MAGED1: variants seen among roughly 807,000 people sequenced by gnomAD.
MAGED1 encodes MAGE family member D1.
In MAGED1, 3 loss-of-function variants were observed where a neutral mutation model predicts 54.1. The observed-to-expected ratio is 0.06, with a 90% CI of 0.03 to 0.14. The LOEUF (loss-of-function observed/expected upper bound fraction) is 0.14. Ranked by LOEUF, MAGED1 falls within the 10% of genes least tolerant of loss-of-function variation. The pLI is 1.00. For synonymous variants in MAGED1, 217 were observed against 227.3 expected (o/e 0.95, Z 0.41); for missense variants, 485 against 623.4 (o/e 0.78, Z 2.36).
upstream of MAGED1, among the ~76,000 whole-genome samples, chrX:51,893,342 G>T (rs1557363692): frequency 9.2e-6 from 1 of 108,820 alleles, no homozygotes; most frequent in African/African-American, 3.4e-5. Flanking sequence ...GGGCCGGTGT[G>T]TGGGGCAAGG....
At chrX:51,830,250 C>T (rs969581507) in intron 1 of MAGED1, among the ~76,000 whole-genome samples, 1 of 111,175 alleles carries the variant, frequency 9.0e-6, no homozygotes. Context: ...ATATATTGCT[C>T]ATAGATACAG....
intron 1 of MAGED1, among the ~76,000 whole-genome samples, chrX:51,810,564 T>C (rs1445208708): frequency 4.5e-5 from 5 of 111,879 alleles, no homozygotes; most frequent in African/African-American, 1.6e-4. Context: ...TGGTCTCCTG[T>C]CCTTGGAGAA....
chrX:51,899,859 G>A (rs1050810437), intron 10 of MAGED1: 33 of 236,457 alleles, frequency 1.4e-4, no homozygotes, highest in African/African-American at 9.8e-4. Context: ...GCACTGCATT[G>A]TACTCATTTC....
chrX:51,819,880 G>T lies in MAGED1; in HGVS notation c.-37+16763G>T, dbSNP rs371080574. Among the ~76,000 whole-genome samples, 5 of 111,777 alleles carry T rather than the reference G, an allele frequency of 4.5e-5. No homozygotes were observed. In the South Asian group the frequency reaches 1.1e-3, roughly 25 times the overall value. ...TATATAAAAATTGTTACCTAATCAA[G>T]TTCACAGTGATTTACACCTATGCTT... is the stretch of plus-strand genomic sequence containing the variant. On this transcript the variant is annotated intron_variant, in intron 1 of 12. Transcript: ENST00000375772.
intron 1 of MAGED1, among the ~76,000 whole-genome samples, chrX:51,834,144 A>C (rs1001583643): frequency 3.6e-5 from 4 of 111,905 alleles, no homozygotes; most frequent in Admixed American, 2.9e-4. Context: ...GTATAAAATC[A>C]TAATTAAAAG....
chrX:51,835,718 TAG>T (rs1557357861), intron 1 of MAGED1, among the ~76,000 whole-genome samples: 1 of 111,634 alleles, frequency 9.0e-6, no homozygotes, highest in East Asian at 2.8e-4. Context: ...CCACAATTAA[TAG>T]TAACATTTGA....
rs782227011 is a variant in MAGED1, at chrX:51,897,515, C to G, written c.1487-32C>G. The G allele has an allele frequency of 4.5e-6, 5 of 1,118,527 alleles. No homozygotes were observed. In the Admixed American group the frequency reaches 1.1e-4, roughly 25 times the overall value. The allele number at this position is 1,118,527 out of a possible 1,213,427, so 92.2% of individuals were successfully genotyped here. ...GGACTGCTGCTCTGTGGCCCCCGCT[C>G]GGCTCAGATGGCTCCCTCCTCTCTC... On this transcript the variant is annotated intron_variant, in intron 5 of 12. Coordinates refer to ENST00000326587, the MANE Select transcript of MAGED1 (RefSeq NM_006986.4).
intron 1 of MAGED1, among the ~76,000 whole-genome samples, chrX:51,887,395 GA>G (rs1305547559): frequency 4.6e-5 from 5 of 109,862 alleles, no homozygotes; most frequent in African/African-American, 1.6e-4. Flanking sequence ...AAATAATTTT[GA>G]AAAAGAAAGA....
intron 1 of MAGED1, among the ~76,000 whole-genome samples, chrX:51,867,701 A>G (rs1557361199): frequency 8.9e-6 from 1 of 112,372 alleles, no homozygotes; most frequent in Non-Finnish European, 1.9e-5. Flanking sequence ...GTTGATACTC[A>G]GTATTAACCA....
In MAGED1 at chrX:51,842,033, A is replaced by G. The variant is rs183563557; in HGVS notation, c.-37+38916A>G. 9.8e-5 allele frequency among the ~76,000 whole-genome samples: 11 copies of G among 112,267 alleles called. No homozygotes were observed. In the East Asian group the frequency reaches 2.8e-3, roughly 29 times the overall value. On this transcript the variant is annotated intron_variant, in intron 1 of 12. Coordinates refer to the MAGED1 transcript ENST00000375772. ...CATGTCCTCTGAGAAAAGCTTCAGA[A>G]GAAAAACCTATAGTTCTCATTGGTT...
chrX:51,815,608 C>T (rs1310538640), intron 1 of MAGED1, among the ~76,000 whole-genome samples: 3 of 108,823 alleles, frequency 2.8e-5, no homozygotes, highest in Admixed American at 9.8e-5. Context: ...CTGTAACCTC[C>T]GCCTCCCGGG....
At chrX:51,862,148 T>G (rs1487210575) in intron 1 of MAGED1, among the ~76,000 whole-genome samples, 1 of 111,753 alleles carries the variant, frequency 8.9e-6, no homozygotes, top group Non-Finnish European at 1.9e-5. Flanking sequence ...TGATGATGTG[T>G]GGATATTTGT....
At chrX:51,871,771 A>T (rs1927684078) in intron 1 of MAGED1, among the ~76,000 whole-genome samples, 1 of 111,735 alleles carries the variant, frequency 8.9e-6, no homozygotes, top group Non-Finnish European at 1.9e-5. Flanking sequence ...GATTTATGGA[A>T]TCCTTTGAGT....
intron 1 of MAGED1, among the ~76,000 whole-genome samples, chrX:51,852,080 A>G (rs1926915076): frequency 8.9e-6 from 1 of 111,811 alleles, no homozygotes; most frequent in Non-Finnish European, 1.9e-5. Flanking sequence ...GGACCGCTAG[A>G]AAATAATCTG....
intron 1 of MAGED1, among the ~76,000 whole-genome samples, chrX:51,827,266 A>C (rs1162916814): frequency 1.0e-5 from 1 of 95,810 alleles, no homozygotes; most frequent in Non-Finnish European, 2.2e-5. Context: ...TCTCAAAAAA[A>C]CAAAGAAAAA....
chrX:51,809,204 T>C (rs1445648496), intron 1 of MAGED1, among the ~76,000 whole-genome samples: 1 of 111,546 alleles, frequency 9.0e-6, no homozygotes, highest in Non-Finnish European at 1.9e-5. Context: ...AATCTCCGCC[T>C]GCCGGGTTCA....
chrX:51,827,944 C>T (rs782764288), intron 1 of MAGED1, among the ~76,000 whole-genome samples: 4 of 111,462 alleles, frequency 3.6e-5, no homozygotes, highest in Non-Finnish European at 7.5e-5. Flanking sequence ...GACTTGAAAT[C>T]GGATAACATG....
At chrX:51,865,384 G>A (rs1927425314) in intron 1 of MAGED1, among the ~76,000 whole-genome samples, 1 of 111,878 alleles carries the variant, frequency 8.9e-6, no homozygotes, top group Admixed American at 9.4e-5. Flanking sequence ...ATTAATGTAT[G>A]AATGCATAAA....
intron 1 of MAGED1, among the ~76,000 whole-genome samples, chrX:51,810,084 C>T (rs1925166724): frequency 9.0e-6 from 1 of 111,151 alleles, no homozygotes; most frequent in Non-Finnish European, 1.9e-5. Context: ...TGTATCAACC[C>T]ATTGTGGTCA....
Sources: gnomAD v4.1 joint callset for allele counts (sites outside exome capture counted in the v4.1 genomes callset) on GRCh38, gnomAD v4.1.1 for gene constraint, MANE v1.5 for transcripts, NCBI Gene and HGNC (gene_info 2026-07-23, HGNC 2026-07-21) for gene names.